The following FOXK1 variants were observed in gnomAD, a reference collection of about 807,000 sequenced individuals.
FOXK1 encodes the protein forkhead box protein K1.
A neutral mutation model predicts 51.9 loss-of-function variants in FOXK1; 19 were observed. That is an observed-to-expected ratio of 0.37 (90% CI 0.26 to 0.54). The LOEUF (loss-of-function observed/expected upper bound fraction) is 0.54, where lower values mean the gene tolerates loss of function less well. FOXK1 is among the 20% of genes least tolerant of loss of function. The probability of loss-of-function intolerance (pLI) is 0.87; values close to 1 mark genes in which losing one functional copy is unlikely to be tolerated. For missense variants in FOXK1, 870 were observed against 1,032.7 expected (o/e 0.84, Z 2.16); for synonymous variants, 537 against 482.6 (o/e 1.11, Z -1.48).
In FOXK1 at chr7:4,735,772, G is replaced by C. The variant is rs1056046520; in HGVS notation, c.561-5066G>C. On this transcript the variant is annotated intron_variant, in intron 1 of 8. Coordinates refer to ENST00000328914, the MANE Select transcript of FOXK1 (RefSeq NM_001037165.2). This position sits in a 1 kb window ranked among gnomAD's most constrained non-coding sequence, Gnocchi z 4.7. The stretch of plus-strand genomic sequence containing the variant: ...TCACGATGCAAAACGTGCTCGTTCA[G>C]ACTCCAGCTAGAGCCCTGCACCTCC... Among the ~76,000 whole-genome samples the C allele has an allele frequency of 6.6e-6, 1 of 152,214 alleles. No individual in the cohort carries two copies. Among genetic ancestry groups the C allele is most frequent in the African/African-American group, 2.4e-5 (1 of 41,454 alleles).
Position 4,703,571 on chromosome 7 carries a change from G to A in FOXK1, c.560+20703G>A, listed in dbSNP as rs908821155. Among the ~76,000 whole-genome samples the A allele has an allele frequency of 2.6e-5, 4 of 152,208 alleles. No individual in the cohort carries two copies. The highest frequency in any genetic ancestry group is 2.9e-5 in the Non-Finnish European group (2 of 68,038). On this transcript the variant is annotated intron_variant, in intron 1 of 8. Coordinates refer to ENST00000328914, the MANE Select transcript of FOXK1 (RefSeq NM_001037165.2). The surrounding 1 kb of genome is among the most constrained non-coding windows in gnomAD (Gnocchi z 5.6). ...TGCCCAGGAGACTTGGGTACATTTT[G>A]CTCATCTTAGGGTTGGGGACAGAAC...
At chr7:4,716,230 C>CAA (rs773976151) in intron 1 of FOXK1, among the ~76,000 whole-genome samples, 2 of 115,742 alleles carry the variant, frequency 1.7e-5, no homozygotes, top group East Asian at 2.4e-4. Flanking sequence ...ACCCTATCTA[C>CAA]AAAAAAAAAA....
chr7:4,687,969 C>T (rs376625817), intron 1 of FOXK1, among the ~76,000 whole-genome samples: 6 of 152,146 alleles, frequency 3.9e-5, no homozygotes, highest in African/African-American at 9.7e-5. Flanking sequence ...TGCTCTCAAA[C>T]GATCCTCCCA....
At chr7:4,704,725 A>AT (rs573664519) in intron 1 of FOXK1, among the ~76,000 whole-genome samples, 1 of 150,656 alleles carries the variant, frequency 6.6e-6, no homozygotes. Flanking sequence ...TACTTTTTAA[A>AT]TTTTTTTTCT....
intron 2 of FOXK1, among the ~76,000 whole-genome samples, chr7:4,750,621 G>A (rs1780763063): frequency 6.6e-6 from 1 of 151,480 alleles, no homozygotes. Context: ...TTTGTTTTCT[G>A]TATTTTTTAG....
rs1206350167 is a variant in FOXK1 at position 4,707,547 on chromosome 7, T to C, written c.560+24679T>C. Among the ~76,000 whole-genome samples, 1 of 152,094 alleles carries C rather than the reference T, an allele frequency of 6.6e-6. No homozygotes were observed. Among genetic ancestry groups the C allele is most frequent in the African/African-American group, 2.4e-5 (1 of 41,404 alleles). On this transcript the variant is annotated intron_variant, in intron 1 of 8. Coordinates refer to ENST00000328914, the MANE Select transcript of FOXK1 (RefSeq NM_001037165.2). This position sits in a 1 kb window ranked among gnomAD's most constrained non-coding sequence, Gnocchi z 4.1. ...GTATCTGCAGCAGCGAGAGGGTGGG[T>C]GTGGGAGTCGGTGAATTGTCTCTTA...
rs770993282 is a variant in FOXK1 at position 4,767,352 on chromosome 7, C to T, written c.*4888C>T. ...CCAGAACGCTGGATGGAGGCCTCCT[C>T]GGCCCTGCGGGCGGCCTGGCTGCGG... On this transcript the variant is annotated 3_prime_UTR_variant, in exon 9 of 9. Coordinates refer to ENST00000328914, the MANE Select transcript of FOXK1 (RefSeq NM_001037165.2). The surrounding 1 kb of genome is among the most constrained non-coding windows in gnomAD (Gnocchi z 6.6). 1.1e-4 allele frequency: 17 copies of T among 152,290 alleles called. No individual in the cohort carries two copies. The highest frequency in any genetic ancestry group is 5.2e-4 in the Admixed American group (8 of 15,288). The allele number at this position is 152,290 out of a possible 1,614,324, so 9.4% of individuals were successfully genotyped here.
chr7:4,718,765 ATTTGT>A (rs1780270171), intron 1 of FOXK1, among the ~76,000 whole-genome samples: 1 of 152,096 alleles, frequency 6.6e-6, no homozygotes, highest in Non-Finnish European at 1.5e-5. Flanking sequence ...CATTTGCTGT[ATTTGT>A]TTTAATTTTA....
In FOXK1 at chr7:4,738,396, C is replaced by G. The variant is rs372912696; in HGVS notation, c.561-2442C>G. On this transcript the variant is annotated intron_variant, in intron 1 of 8. Transcript: ENST00000328914. ...AGGTTGCAGTGAGCCAAGATTGCGC[C>G]ATTGTATTCCAGCCCGGATGACAGA... 1.3e-4 allele frequency among the ~76,000 whole-genome samples: 20 copies of G among 149,432 alleles called. No homozygotes were observed. In the East Asian group the frequency reaches 2.2e-3, roughly 16 times the overall value.
At chr7:4,759,029 G>A (rs558305601) in intron 5 of FOXK1, 22 bp from the exon 6 acceptor site, 13 of 1,564,968 alleles carry the variant, frequency 8.3e-6, no homozygotes, top group South Asian at 7.1e-5. Context: ...GCTGACTGCC[G>A]CGGCCCTTGC....
At chr7:4,698,613 C>G (rs1163972516) in intron 1 of FOXK1, among the ~76,000 whole-genome samples, 1 of 152,114 alleles carries the variant, frequency 6.6e-6, no homozygotes, top group Non-Finnish European at 1.5e-5. Flanking sequence ...AGTACAGTGG[C>G]ACAGTCATAG....
chr7:4,724,265 G>A (rs746175298), intron 1 of FOXK1, among the ~76,000 whole-genome samples: 1 of 151,996 alleles, frequency 6.6e-6, no homozygotes, highest in Admixed American at 6.5e-5. Flanking sequence ...GTGCAATCTC[G>A]GCTCACTGCA....
Position 4,761,084 on chromosome 7 carries a change from A to G in FOXK1, c.1717A>G (p.Ile573Val), listed in dbSNP as rs151190840. 89 of 1,612,808 alleles carry G rather than the reference A, an allele frequency of 5.5e-5. No individual in the cohort carries two copies. In the African/African-American group the frequency reaches 9.1e-4, roughly 16 times the overall value. Residue 573 changes from isoleucine (I) to valine (V), a missense_variant, in exon 8 of 9, where the codon ATT (isoleucine) becomes GTT (valine). By Grantham distance (29) the Ile-to-Val change is conservative. Around this residue, in one of 3 missense-constraint regions of FOXK1, gnomAD observed 457 missense variants for 510.8 expected, o/e 0.89. Transcript: ENST00000328914. The surrounding 1 kb of genome is among the most constrained non-coding windows in gnomAD (Gnocchi z 6.2). ...EARGLEEKPT[I>V]AFATIPAAGG... ...CGCAGGCCTGGAGGAGAAACCCACC[A>G]TTGCGTTTGCCACAATCCCCGCGGC...
At chr7:4,746,337 C>T (rs117432135) in intron 2 of FOXK1, among the ~76,000 whole-genome samples, 80 of 152,218 alleles carry the variant, frequency 5.3e-4, no homozygotes, top group Admixed American at 1.4e-3. Context: ...ATTGGATCTA[C>T]GTTAGAAATA....
chr7:4,766,599 G>A lies in FOXK1; in HGVS notation c.*4135G>A, dbSNP rs1031967441. Reference sequence around the variant, plus strand: ...TCCCTGCTCCTAGGTACCACGCTCTGTGCTTCTCAGGCAGGGAGGAGATGG... The same window carrying A: ...TCCCTGCTCCTAGGTACCACGCTCTATGCTTCTCAGGCAGGGAGGAGATGG... On this transcript the variant is annotated 3_prime_UTR_variant, in exon 9 of 9. Transcript: ENST00000328914. This position sits in a 1 kb window ranked among gnomAD's most constrained non-coding sequence, Gnocchi z 5.5. 1 of 152,334 alleles carries A rather than the reference G, an allele frequency of 6.6e-6. No homozygotes were observed. Among genetic ancestry groups the A allele is most frequent in the African/African-American group, 2.4e-5 (1 of 41,468 alleles). 9.4% of individuals were successfully genotyped at this position (152,334 alleles called of 1,614,324 possible).
rs1461466086 is a variant in FOXK1, at chr7:4,759,424, G to T, written c.1525G>T (p.Ala509Ser). ...CTCCATCGTAACCTCACAGCAGCCC[G>T]CGGGCCACGCCATCCACGTCGTGCA... ...PASIVTSQQP[A>S]GHAIHVVQQA... is the part of the protein sequence containing the mutation. Residue 509 changes from alanine (A) to serine (S), a missense_variant, in exon 7 of 9, where the codon GCG becomes TCG. This residue lies in a region of FOXK1 where 457 missense variants were observed against 510.8 expected (regional missense o/e 0.89). Transcript: ENST00000328914. 5 of 1,596,960 alleles carry T rather than the reference G, an allele frequency of 3.1e-6. No homozygotes were observed. The highest frequency in any genetic ancestry group is 1.7e-5 in the Admixed American group (1 of 59,064).
rs778414062 is a variant in FOXK1 at position 4,754,521 on chromosome 7, A to C, written c.809A>C (p.Gln270Pro). 6 of 1,612,788 alleles carry C rather than the reference A, an allele frequency of 3.7e-6. No homozygotes were observed. The South Asian group carries it at 6.6e-5, about 18-fold the overall frequency. Residue 270 changes from glutamine to proline, a missense_variant, in exon 3 of 9, where the codon CAG becomes CCG. This residue lies in a region of FOXK1 where 399 missense variants were observed against 475.6 expected (regional missense o/e 0.84). Transcript: ENST00000328914. ...GGCTCCTCCAGTTACCGCTTTGTGC[A>C]GAACGTGACCTCGGACCTGCAGCTG... Reference protein sequence around the residue: ...GAGSSSYRFVQNVTSDLQLAA... With the variant: ...GAGSSSYRFVPNVTSDLQLAA...
chr7:4,752,118 A>G (rs1780787185), intron 2 of FOXK1, among the ~76,000 whole-genome samples: 1 of 152,278 alleles, frequency 6.6e-6, no homozygotes, highest in East Asian at 1.9e-4. Flanking sequence ...ACGCCCAGCT[A>G]ATTTTTAAAA....
intron 1 of FOXK1, among the ~76,000 whole-genome samples, chr7:4,692,042 A>T (rs1056917492): frequency 1.3e-5 from 2 of 152,198 alleles, no homozygotes; most frequent in Admixed American, 6.5e-5. Flanking sequence ...ATCTGTTGAC[A>T]CTGACCGTAT....
Sources: gnomAD v4.1 joint callset for allele counts (sites outside exome capture counted in the v4.1 genomes callset) on GRCh38, gnomAD v4.1.1 for gene constraint, gnomAD v4.1.1 regional missense constraint, Gnocchi (gnomAD v3.1) non-coding constraint, MANE v1.5 for transcripts, NCBI Gene and HGNC (gene_info 2026-07-23, HGNC 2026-07-21) for gene names.